CAMK2B: variants seen among roughly 807,000 people sequenced by gnomAD.
The protein encoded by CAMK2B is calcium/calmodulin dependent protein kinase II beta.
In CAMK2B, 27 loss-of-function variants were observed where a neutral mutation model predicts 93.7. The observed-to-expected ratio is 0.29, with a 90% CI of 0.21 to 0.40. CAMK2B has a LOEUF of 0.40. CAMK2B is among the 10% of genes least tolerant of loss of function. The pLI, the probability that CAMK2B is intolerant of heterozygous loss-of-function variation, is 1.00. For missense variants in CAMK2B, 568 were observed against 895.8 expected (o/e 0.63, Z 4.67); for synonymous variants, 374 against 358.8 (o/e 1.04, Z -0.48).
intron 2 of CAMK2B, among the ~76,000 whole-genome samples, chr7:44,281,476 C>A (rs1384554092): frequency 6.6e-6 from 1 of 152,172 alleles, no homozygotes; most frequent in Non-Finnish European, 1.5e-5. Flanking sequence ...CGACTCCCAG[C>A]GGCACAGCTT....
chr7:44,302,363 A>T (rs547383203), intron 1 of CAMK2B, among the ~76,000 whole-genome samples: 8 of 152,234 alleles, frequency 5.3e-5, no homozygotes, highest in Non-Finnish European at 1.2e-4. Context: ...TCTCTTTTAG[A>T]AAATAGAAGC....
rs111880715 is a variant in CAMK2B at position 44,311,383 on chromosome 7, G to A, written c.65+13974C>T. On this transcript the variant is annotated intron_variant, in intron 1 of 23. Coordinates refer to ENST00000395749, the MANE Select transcript of CAMK2B (RefSeq NM_001220.5). The surrounding 1 kb of genome is among the most constrained non-coding windows in gnomAD (Gnocchi z 4.2). ...GAGCCACCGCACTCAGCCAAAATCT[G>A]GTTTTAAGAAGAACTCCTTTATCAC... Among the ~76,000 whole-genome samples, 465 of 152,294 alleles carry A rather than the reference G, an allele frequency of 3.1e-3. No homozygotes were observed. Among genetic ancestry groups the A allele is most frequent in the Non-Finnish European group, 5.6e-3 (379 of 68,018 alleles).
At chr7:44,278,358 A>C (rs540215418) in intron 2 of CAMK2B, among the ~76,000 whole-genome samples, 65 of 152,290 alleles carry the variant, frequency 4.3e-4, no homozygotes, top group South Asian at 2.9e-3. Flanking sequence ...AGCTGGGGAA[A>C]CTGAGGTCTA....
chr7:44,232,758 G>T, intron 16 of CAMK2B, 64 bp downstream of exon 16: 2 of 1,519,616 alleles, frequency 1.3e-6, no homozygotes, highest in Non-Finnish European at 1.8e-6. Flanking sequence ...TGCTGCCCCA[G>T]ACCTCTCTCC....
In CAMK2B at chr7:44,248,366, G is replaced by T. The variant is rs949785887; in HGVS notation, c.342-1174C>A. Among the ~76,000 whole-genome samples, 1 of 152,168 alleles carries T rather than the reference G, an allele frequency of 6.6e-6. No homozygotes were observed. The highest frequency in any genetic ancestry group is 2.4e-5 in the African/African-American group (1 of 41,442). On this transcript the variant is annotated intron_variant, in intron 5 of 23. Coordinates refer to ENST00000395749, the MANE Select transcript of CAMK2B (RefSeq NM_001220.5). This position sits in a 1 kb window ranked among gnomAD's most constrained non-coding sequence, Gnocchi z 4.1. ...CACGGAGCCCCTGCACACACCGAGA[G>T]CCCGTGGCTTGAATCTGCTTCTGCC...
chr7:44,311,835 T>C lies in CAMK2B; in HGVS notation c.65+13522A>G, dbSNP rs879465512. Reference sequence around the variant, plus strand: ...GACTGACTCTGCCCTACCCCCACTCTGGGCAGGGAAGGGTGACTGCGTGGC... The same window carrying C: ...GACTGACTCTGCCCTACCCCCACTCCGGGCAGGGAAGGGTGACTGCGTGGC... On this transcript the variant is annotated intron_variant, in intron 1 of 23. Coordinates refer to ENST00000395749, the MANE Select transcript of CAMK2B (RefSeq NM_001220.5). This position sits in a 1 kb window ranked among gnomAD's most constrained non-coding sequence, Gnocchi z 4.2. Among the ~76,000 whole-genome samples the C allele has an allele frequency of 2.6e-5, 4 of 152,184 alleles. No homozygotes were observed. Among genetic ancestry groups the C allele is most frequent in the Admixed American group, 6.5e-5 (1 of 15,286 alleles).
chr7:44,232,748 T>C lies in CAMK2B; in HGVS notation c.1176+74A>G, dbSNP rs368064368. The C allele has an allele frequency of 3.4e-5, 49 of 1,455,228 alleles. No individual in the cohort carries two copies. In the East Asian group the frequency reaches 1.0e-3, roughly 31 times the overall value. 90.1% of individuals were successfully genotyped at this position (1,455,228 alleles called of 1,614,324 possible). On this transcript the variant is annotated intron_variant, in intron 16 of 23. Coordinates refer to ENST00000395749, the MANE Select transcript of CAMK2B (RefSeq NM_001220.5). ...CATCTGCCCTCCACTCTGGCACAAA[T>C]GCTGCCCCAGACCTCTCTCCTGGCC... is the stretch of plus-strand genomic sequence containing the variant.
intron 13 of CAMK2B, among the ~76,000 whole-genome samples, chr7:44,235,765 T>C (rs139996876): frequency 4.6e-5 from 7 of 152,086 alleles, no homozygotes; most frequent in African/African-American, 1.7e-4. Flanking sequence ...ACATGGGAAG[T>C]GTGAGGATGC....
chr7:44,305,478 G>C (rs559287973), intron 1 of CAMK2B, among the ~76,000 whole-genome samples: 17 of 152,304 alleles, frequency 1.1e-4, no homozygotes, highest in Non-Finnish European at 2.4e-4. Flanking sequence ...GCAAGCCCCA[G>C]TCTCAAAAAC....
chr7:44,229,008 T>C, intron 18 of CAMK2B, 84 bp from the exon 19 acceptor site: 1 of 1,306,472 alleles, frequency 7.7e-7, no homozygotes, highest in Non-Finnish European at 1.1e-6. Context: ...GTGGGAGGGG[T>C]CCCGTGTTCT....
rs79084235 is a variant in CAMK2B, at chr7:44,245,948, A to G, written c.414+1172T>C. Among the ~76,000 whole-genome samples, 1,016 of 152,034 alleles carry G rather than the reference A, an allele frequency of 6.7e-3. 4 individuals carry two copies. The highest frequency in any genetic ancestry group is 0.023 in the African/African-American group (944 of 41,460). On this transcript the variant is annotated intron_variant, in intron 6 of 23. Transcript: ENST00000395749. ...AGCCTTGGGGAAGGTGGGGTTGAAGAAGGAGGAAAGGAGATTGGAAGGAAG... is the reference window on the plus strand; with the variant it reads ...AGCCTTGGGGAAGGTGGGGTTGAAGGAGGAGGAAAGGAGATTGGAAGGAAG...
intron 3 of CAMK2B, among the ~76,000 whole-genome samples, chr7:44,260,405 C>T (rs1346787453): frequency 6.6e-6 from 1 of 152,132 alleles, no homozygotes; most frequent in African/African-American, 2.4e-5. Context: ...CTCCTTAGCT[C>T]CTAAACCTCA....
intron 1 of CAMK2B, among the ~76,000 whole-genome samples, chr7:44,298,693 G>A (rs913691052): frequency 2.6e-5 from 4 of 151,992 alleles, no homozygotes; most frequent in Non-Finnish European, 2.9e-5. Flanking sequence ...AAACAAACAA[G>A]CCAATTCAAA....
intron 12 of CAMK2B, among the ~76,000 whole-genome samples, chr7:44,240,294 C>A (rs1468447869): frequency 6.6e-6 from 1 of 152,224 alleles, no homozygotes; most frequent in Non-Finnish European, 1.5e-5. Context: ...TGGAAGGAGG[C>A]CCCCGAGCCT....
intron 1 of CAMK2B, among the ~76,000 whole-genome samples, chr7:44,316,031 T>C (rs1794749533): frequency 1.3e-5 from 2 of 152,220 alleles, no homozygotes; most frequent in African/African-American, 2.4e-5. Flanking sequence ...TTATTTCCAA[T>C]CTGGGAGCCT....
chr7:44,284,451 C>T (rs1387947910), intron 1 of CAMK2B, among the ~76,000 whole-genome samples: 2 of 152,254 alleles, frequency 1.3e-5, no homozygotes, highest in Non-Finnish European at 1.5e-5. Flanking sequence ...GGCTTCCCGA[C>T]GGCTGGCAGA....
chr7:44,258,916 G>A lies in CAMK2B; in HGVS notation c.231C>T (p.His77=), dbSNP rs754647267. 20 of 1,613,740 alleles carry A rather than the reference G, an allele frequency of 1.2e-5. No homozygotes were observed. The African/African-American group carries it at 1.5e-4, about 12-fold the overall frequency. The part of the protein sequence containing the change: ...LLKHSNIVRL[H]DSISEEGFHY... ...GGAAGCCCTCCTCGGAGATGCTGTC[G>A]TGGAGACGCACTGTGGGGACAGAGA... is the stretch of plus-strand genomic sequence containing the variant. Residue 77 remains histidine, a synonymous_variant, in exon 4 of 24, where the codon CAC becomes CAT. Coordinates refer to ENST00000395749, the MANE Select transcript of CAMK2B (RefSeq NM_001220.5).
chr7:44,270,169 G>A lies in CAMK2B; in HGVS notation c.161-7105C>T, dbSNP rs986176923. On this transcript the variant is annotated intron_variant, in intron 2 of 23. Coordinates refer to ENST00000395749, the MANE Select transcript of CAMK2B (RefSeq NM_001220.5). ...CTGGGGGCCCCCCACTAGCACCAGC[G>A]CTCTCCACCCATTTCCTCATGCCTG... is the stretch of plus-strand genomic sequence containing the variant. Among the ~76,000 whole-genome samples, 6 of 151,868 alleles carry A rather than the reference G, an allele frequency of 4.0e-5. No individual in the cohort carries two copies. In the South Asian group the frequency reaches 8.3e-4, roughly 21 times the overall value.
At chr7:44,288,072 G>T (rs1185997847) in intron 1 of CAMK2B, among the ~76,000 whole-genome samples, 1 of 152,096 alleles carries the variant, frequency 6.6e-6, no homozygotes, top group Non-Finnish European at 1.5e-5. Flanking sequence ...AGGAAGAGCG[G>T]CCCCTAGAGT....
Sources: gnomAD v4.1 joint callset for allele counts (sites outside exome capture counted in the v4.1 genomes callset) on GRCh38, gnomAD v4.1.1 for gene constraint, Gnocchi (gnomAD v3.1) non-coding constraint, MANE v1.5 for transcripts, NCBI Gene and HGNC (gene_info 2026-07-23, HGNC 2026-07-21) for gene names.